The following LARGE1 variants were observed in gnomAD, a reference collection of about 807,000 sequenced individuals.
The protein encoded by LARGE1 is xylosyl- and glucuronyltransferase LARGE1.
Under a neutral mutation model 87.6 loss-of-function variants are expected in LARGE1, and 43 were observed. The ratio of observed to expected loss-of-function variants is 0.49; its 90% confidence interval spans 0.38 to 0.63. The LOEUF is 0.63. Ranked by LOEUF, LARGE1 falls within the 30% of genes least tolerant of loss-of-function variation. LARGE1 has a pLI of 0.00. For synonymous variants in LARGE1, 434 were observed against 394.6 expected (o/e 1.10, Z -1.18); for missense variants, 802 against 1,000.2 (o/e 0.80, Z 2.67).
chr22:33,272,368 T>C (rs1389712470), downstream of LARGE1, among the ~76,000 whole-genome samples: 1 of 152,168 alleles, frequency 6.6e-6, no homozygotes, highest in East Asian at 1.9e-4. Context: ...ATGCTGCTGG[T>C]AAATATTTAA....
intron 10 of LARGE1, among the ~76,000 whole-genome samples, chr22:33,319,636 T>C (rs1314374457): frequency 2.0e-5 from 3 of 152,108 alleles, no homozygotes; most frequent in Admixed American, 1.3e-4. Context: ...CCTCAGGCAG[T>C]CCACCCACCG....
At position 33,650,553 on chromosome 22, in the gene LARGE1, C is replaced by A. The variant is rs373261094; in HGVS notation, c.222G>T (p.Glu74Asp). Residue 74 changes from glutamate (E) to aspartate (D), a missense_variant, in exon 3 of 15, where the codon GAG becomes GAT. Glu to Asp is a conservative substitution (Grantham distance 45). Around this residue, in one of 2 missense-constraint regions of LARGE1, gnomAD observed 177 missense variants for 158.3 expected, o/e 1.12. Coordinates refer to ENST00000397394, the MANE Select transcript of LARGE1 (RefSeq NM_133642.5). The stretch of plus-strand genomic sequence containing the variant: ...GCTGCCTGCGGAGGGCGCGGTTCTC[C>A]TCCTCCACCTCGCGCATGCGCACCT... Reference protein sequence around the residue: ...SLEVRMREVEEENRALRRQLS... With the variant: ...SLEVRMREVEDENRALRRQLS... The A allele has an allele frequency of 2.5e-6, 4 of 1,608,918 alleles. No individual in the cohort carries two copies. The highest frequency in any genetic ancestry group is 1.3e-5 in the African/African-American group (1 of 74,936).
intron 2 of LARGE1, among the ~76,000 whole-genome samples, chr22:33,716,566 T>TA (rs1569399602): frequency 1.3e-5 from 2 of 152,086 alleles, no homozygotes; most frequent in African/African-American, 2.4e-5. Flanking sequence ...CCAGCTAACT[T>TA]ACATTATTTT....
intron 6 of LARGE1, among the ~76,000 whole-genome samples, chr22:33,496,347 A>T (rs1004300892): frequency 2.6e-5 from 4 of 152,166 alleles, no homozygotes; most frequent in African/African-American, 9.7e-5. Context: ...CAATCCAATC[A>T]AGTTGACACT....
intron 5 of LARGE1, among the ~76,000 whole-genome samples, chr22:33,588,504 T>C (rs990799700): frequency 2.0e-5 from 2 of 101,472 alleles, no homozygotes; most frequent in Non-Finnish European, 4.0e-5. Flanking sequence ...GGAACATATA[T>C]GTGTGCGTGT....
chr22:33,474,458 C>T (rs1362779204), intron 6 of LARGE1, among the ~76,000 whole-genome samples: 5 of 152,192 alleles, frequency 3.3e-5, no homozygotes, highest in African/African-American at 7.2e-5. Context: ...CCACTGTGCC[C>T]GGCCTAGTCT....
At chr22:33,805,218 CT>C (rs2086271796) in intron 1 of LARGE1, among the ~76,000 whole-genome samples, 2 of 152,274 alleles carry the variant, frequency 1.3e-5, no homozygotes, top group South Asian at 4.1e-4. Flanking sequence ...TGGATTTGGA[CT>C]ATATCCCAAC....
At chr22:33,826,980 G>A (rs1452443143) in intron 1 of LARGE1, among the ~76,000 whole-genome samples, 2 of 152,146 alleles carry the variant, frequency 1.3e-5, no homozygotes, top group Non-Finnish European at 2.9e-5. Context: ...AAGGGTCTGG[G>A]ATGGAGGCAA....
intron 14 of LARGE1, among the ~76,000 whole-genome samples, chr22:33,275,988 A>G (rs976196890): frequency 6.6e-6 from 1 of 152,222 alleles, no homozygotes; most frequent in Non-Finnish European, 1.5e-5. Context: ...ACATGATTCT[A>G]TAACCTATCT....
intron 3 of LARGE1, among the ~76,000 whole-genome samples, chr22:33,647,788 T>C (rs1168490093): frequency 6.6e-6 from 1 of 152,090 alleles, no homozygotes; most frequent in Non-Finnish European, 1.5e-5. Context: ...GACGGAGTTT[T>C]GCACTGTCAC....
At chr22:33,592,303 T>G (rs1050596916) in intron 5 of LARGE1, among the ~76,000 whole-genome samples, 1 of 152,150 alleles carries the variant, frequency 6.6e-6, no homozygotes, top group African/African-American at 2.4e-5. Context: ...TAATAGTTCA[T>G]TTTATTATTA....
At chr22:33,664,736 T>C (rs1023359215) in intron 2 of LARGE1, among the ~76,000 whole-genome samples, 2 of 152,162 alleles carry the variant, frequency 1.3e-5, no homozygotes, top group African/African-American at 4.8e-5. Flanking sequence ...TGGTGGCACA[T>C]GCCTATAGTC....
intron 6 of LARGE1, among the ~76,000 whole-genome samples, chr22:33,499,585 C>G (rs901506632): frequency 3.9e-5 from 6 of 152,132 alleles, no homozygotes; most frequent in Non-Finnish European, 1.5e-5. Flanking sequence ...GCCAGGGTCC[C>G]GTGACACCTG....
chr22:33,207,907 C>G (rs968178863), intron 11 of LARGE1, among the ~76,000 whole-genome samples: 1 of 152,120 alleles, frequency 6.6e-6, no homozygotes, highest in South Asian at 2.1e-4. Flanking sequence ...TTTTTCTCCC[C>G]TAAAGGCACA....
intron 7 of LARGE1, among the ~76,000 whole-genome samples, chr22:33,392,669 A>G (rs1410471557): frequency 1.3e-5 from 2 of 152,106 alleles, no homozygotes; most frequent in African/African-American, 4.8e-5. Context: ...AAAAACAACA[A>G]CAACAACAAC....
chr22:33,619,672 G>A (rs2079686296), intron 4 of LARGE1, among the ~76,000 whole-genome samples: 1 of 151,982 alleles, frequency 6.6e-6, no homozygotes, highest in African/African-American at 2.4e-5. Context: ...ACTAGGCTCT[G>A]CCCATCTTCT....
chr22:33,780,279 T>G (rs62225435), intron 1 of LARGE1, among the ~76,000 whole-genome samples: 11,063 of 152,268 alleles, frequency 0.073, 522 homozygotes, highest in Admixed American at 0.11. Context: ...GCACTGAGGC[T>G]TGGAACTTCA....
chr22:33,193,511 T>A (rs1242206241), intron 11 of LARGE1, among the ~76,000 whole-genome samples: 1 of 152,154 alleles, frequency 6.6e-6, no homozygotes, highest in Non-Finnish European at 1.5e-5. Flanking sequence ...ACACATCTGG[T>A]TAACATAATA....
intron 13 of LARGE1, among the ~76,000 whole-genome samples, chr22:33,278,989 A>AT (rs2145849062): frequency 6.6e-6 from 1 of 152,300 alleles, no homozygotes; most frequent in South Asian, 2.1e-4. Flanking sequence ...CAGTGCTGGG[A>AT]TTACAGGCAT....
Sources: allele counts gnomAD v4.1 joint callset (sites outside exome capture counted in the v4.1 genomes callset), GRCh38; gene constraint gnomAD v4.1.1; regional missense constraint gnomAD v4.1.1; transcripts MANE v1.5; gene names NCBI Gene and HGNC (gene_info 2026-07-23, HGNC 2026-07-21).